Variants in SKAP1 observed in about 807,000 individuals in gnomAD.
SKAP1 encodes the protein src kinase associated phosphoprotein 1.
A neutral mutation model predicts 58.5 loss-of-function variants in SKAP1; 44 were observed. The ratio of observed to expected loss-of-function variants is 0.75; its 90% CI spans 0.59 to 0.97. The LOEUF (loss-of-function observed/expected upper bound fraction) is 0.97. Among genes scored for constraint, SKAP1 ranks in the 50% least tolerant of loss-of-function variants. The pLI, the probability that SKAP1 is intolerant of heterozygous loss-of-function variation, is 0.00. For synonymous variants in SKAP1, 127 were observed against 149.7 expected, an observed-to-expected ratio of 0.85 and a Z score of 1.11; for missense variants, 390 against 435.2, an observed-to-expected ratio of 0.90 and a Z score of 0.92.
chr17:48,225,924 A>G (rs1056776267), intron 4 of SKAP1, among the ~76,000 whole-genome samples: 2 of 152,228 alleles, frequency 1.3e-5, no homozygotes, highest in Admixed American at 6.5e-5. Context: ...GAGCTGTCCA[A>G]ATAATCAAAG....
At chr17:48,151,419 GAGC>G (rs1324088498) in intron 11 of SKAP1, among the ~76,000 whole-genome samples, 1 of 152,166 alleles carries the variant, frequency 6.6e-6, no homozygotes, top group Non-Finnish European at 1.5e-5. Flanking sequence ...TTTACAGATG[GAGC>G]AGGATTGTCG....
At chr17:48,239,850 CAGAGAGAG>C (rs71141976) in intron 4 of SKAP1, among the ~76,000 whole-genome samples, 1 of 129,774 alleles carries the variant, frequency 7.7e-6, no homozygotes, top group Admixed American at 7.4e-5. Context: ...GAGAGAGAGA[CAGAGAGAG>C]AGAGAGAGAG....
chr17:48,393,326 T>C (rs1399430631), intron 2 of SKAP1, among the ~76,000 whole-genome samples: 2 of 152,174 alleles, frequency 1.3e-5, no homozygotes, highest in Non-Finnish European at 2.9e-5. Context: ...GAAAAGAGTA[T>C]GTAAATATAG....
intron 7 of SKAP1, 24 bp from the exon 8 acceptor site, chr17:48,182,481 T>G: frequency 1.3e-6 from 2 of 1,544,866 alleles, no homozygotes; most frequent in South Asian, 2.3e-5. Flanking sequence ...AGTGAATTAA[T>G]TTATCACTGT....
chr17:48,346,552 G>T (rs1598597207), intron 3 of SKAP1, among the ~76,000 whole-genome samples: 2 of 151,856 alleles, frequency 1.3e-5, no homozygotes, highest in African/African-American at 2.4e-5. Flanking sequence ...TGAACCCGGG[G>T]GGTAGAGGTT....
intron 4 of SKAP1, among the ~76,000 whole-genome samples, chr17:48,331,272 T>TA (rs2066502889): frequency 6.6e-6 from 1 of 152,068 alleles, no homozygotes; most frequent in Non-Finnish European, 1.5e-5. Flanking sequence ...TGTGGATTTT[T>TA]TAAAAAAAAA....
chr17:48,344,258 T>C, intron 4 of SKAP1: 1 of 592,182 alleles, frequency 1.7e-6, no homozygotes, highest in Non-Finnish European at 2.1e-6. Flanking sequence ...GTTTCTTACC[T>C]TAATCTTATT....
intron 10 of SKAP1, among the ~76,000 whole-genome samples, chr17:48,165,720 A>G (rs1598386699): frequency 6.6e-6 from 1 of 152,106 alleles, no homozygotes; most frequent in East Asian, 1.9e-4. Flanking sequence ...TCTGTAGAGC[A>G]GAGAGAGGAA....
chr17:48,347,186 A>C (rs189017597), intron 3 of SKAP1, among the ~76,000 whole-genome samples: 30 of 152,300 alleles, frequency 2.0e-4, no homozygotes, highest in Middle Eastern at 3.4e-3. Context: ...ACAGTCTGCT[A>C]ATAAAAGGAC....
At chr17:48,396,193 T>C (rs1054513295) in intron 2 of SKAP1, among the ~76,000 whole-genome samples, 9 of 152,306 alleles carry the variant, frequency 5.9e-5, no homozygotes, top group African/African-American at 1.9e-4. Flanking sequence ...AAAAATGACA[T>C]AATATTTCAA....
rs751770631 is a variant in SKAP1, at chr17:48,170,617, C to T, written c.869G>A (p.Arg290Gln). Residue 290 changes from arginine (R) to glutamine (Q), a missense_variant, in exon 10 of 13, where the codon CGA (arginine) becomes CAA (glutamine). Transcript: ENST00000336915. The stretch of plus-strand genomic sequence containing the variant: ...TTTAGAAGCTCTTATACCTCCTTTT[C>T]GTCGAGTGCCACTCTCATCCTCTTC... ...DLEEDESGTR[R>Q]KGVDYASYYQ... 16 of 1,613,630 alleles carry T rather than the reference C, an allele frequency of 9.9e-6. No homozygotes were observed. The highest frequency in any genetic ancestry group is 1.6e-4 in the Middle Eastern group (1 of 6,084).
intron 4 of SKAP1, among the ~76,000 whole-genome samples, chr17:48,246,170 T>C (rs564519574): frequency 6.6e-5 from 10 of 152,342 alleles, no homozygotes; most frequent in African/African-American, 2.4e-4. Context: ...TTATCCGTAC[T>C]GTATCTAAAG....
intron 4 of SKAP1, among the ~76,000 whole-genome samples, chr17:48,235,027 G>A (rs1056840404): frequency 6.6e-6 from 1 of 152,238 alleles, no homozygotes; most frequent in African/African-American, 2.4e-5. Context: ...TTCCTAGCAT[G>A]AGAATCCTAA....
chr17:48,384,277 G>A (rs560111685), intron 2 of SKAP1, among the ~76,000 whole-genome samples: 1 of 152,252 alleles, frequency 6.6e-6, no homozygotes, highest in Non-Finnish European at 1.5e-5. Flanking sequence ...TGACTCCCAG[G>A]ATTTTGCCTT....
At chr17:48,434,881 G>C (rs2067932659), upstream of SKAP1, among the ~76,000 whole-genome samples, 1 of 152,194 alleles carries the variant, frequency 6.6e-6, no homozygotes, top group African/African-American at 2.4e-5. Flanking sequence ...CCAGCACTTT[G>C]GGAGGCCGAG....
intron 4 of SKAP1, among the ~76,000 whole-genome samples, chr17:48,258,609 T>C (rs2065451952): frequency 6.6e-6 from 1 of 152,052 alleles, no homozygotes; most frequent in South Asian, 2.1e-4. Context: ...TTAAAAAGGG[T>C]GTGTAGCATA....
At chr17:48,188,250 CT>C (rs1281092675) in intron 5 of SKAP1, among the ~76,000 whole-genome samples, 18 of 152,312 alleles carry the variant, frequency 1.2e-4, no homozygotes, top group Non-Finnish European at 2.1e-4. Context: ...TATGTGTTGC[CT>C]TTGACAAAGC....
intron 1 of SKAP1, among the ~76,000 whole-genome samples, chr17:48,410,912 G>A (rs2067654341): frequency 1.7e-5 from 2 of 120,940 alleles, no homozygotes; most frequent in African/African-American, 6.4e-5. Flanking sequence ...GGGTGACAGA[G>A]CGACAGAGCG....
intron 1 of SKAP1, among the ~76,000 whole-genome samples, chr17:48,398,546 A>G (rs1198950387): frequency 6.6e-6 from 1 of 152,166 alleles, no homozygotes; most frequent in Non-Finnish European, 1.5e-5. Flanking sequence ...CCCCCGGTCC[A>G]TGGAAAAATT....
Sources: allele counts gnomAD v4.1 joint callset (sites outside exome capture counted in the v4.1 genomes callset), GRCh38; gene constraint gnomAD v4.1.1; transcripts MANE v1.5; gene names NCBI Gene and HGNC (gene_info 2026-07-23, HGNC 2026-07-21).